The following COTL1 variants were observed in gnomAD, a reference collection of about 807,000 sequenced individuals.
The protein encoded by COTL1 is coactosin like F-actin binding protein 1.
Under a neutral mutation model 16.5 loss-of-function variants are expected in COTL1, and 15 were observed. The observed-to-expected ratio is 0.91, with a 90% CI of 0.61 to 1.40. The LOEUF (loss-of-function observed/expected upper bound fraction) is 1.40, where lower values mean the gene tolerates loss of function less well. COTL1 is among the 40% of genes most tolerant of loss of function. The probability of loss-of-function intolerance (pLI) is 0.00; values close to 1 mark genes in which losing one functional copy is unlikely to be tolerated. For missense variants in COTL1, 220 were observed against 201.5 expected (o/e 1.09, Z -0.56); for synonymous variants, 112 against 85.3 (o/e 1.31, Z -1.73).
chr16:84,576,930 A>C (rs148296375), intron 3 of COTL1: 54 of 152,402 alleles, frequency 3.5e-4, no homozygotes, highest in African/African-American at 1.3e-3. Flanking sequence ...TGTGCTGGAC[A>C]CATGAATGTG....
In COTL1 at chr16:84,617,909, G is replaced by A; in HGVS notation, c.6C>T (p.Ala2=). The part of the protein sequence containing the change: M[A]TKIDKEACRA... ...GGCAAGCCTCTTTGTCGATCTTGGT[G>A]GCCATCGCCGCGGAGCCGCAGCGGG... The change falls in exon 1 of 4, where the codon GCC becomes GCT. Residue 2 remains alanine, a synonymous_variant. Coordinates refer to ENST00000262428, the MANE Select transcript of COTL1 (RefSeq NM_021149.5). The A allele has an allele frequency of 6.4e-7, 1 of 1,555,694 alleles. No homozygotes were observed. Among genetic ancestry groups the A allele is most frequent in the Non-Finnish European group, 8.7e-7 (1 of 1,150,882 alleles).
At chr16:84,582,016 T>A (rs1904608065) in intron 3 of COTL1, among the ~76,000 whole-genome samples, 1 of 137,324 alleles carries the variant, frequency 7.3e-6, no homozygotes, top group Non-Finnish European at 1.5e-5. Flanking sequence ...GATGGAGTCT[T>A]GCTCTGTTGC....
At chr16:84,615,853 T>G (rs891632264) in intron 2 of COTL1, among the ~76,000 whole-genome samples, 1 of 149,702 alleles carries the variant, frequency 6.7e-6, no homozygotes, top group Non-Finnish European at 1.5e-5. Context: ...AATTTTAGTT[T>G]TGTGTGTGTG....
At chr16:84,604,733 G>T (rs28414050) in intron 2 of COTL1, among the ~76,000 whole-genome samples, 1,653 of 152,292 alleles carry the variant, frequency 0.011, 24 homozygotes, top group African/African-American at 0.037. Flanking sequence ...TGGCTGTAGG[G>T]GTCACACAGG....
Position 84,590,973 on chromosome 16 carries a change from T to C in COTL1, c.161-711A>G, listed in dbSNP as rs1206612620. Among the ~76,000 whole-genome samples, 2 of 152,234 alleles carry C rather than the reference T, an allele frequency of 1.3e-5. No homozygotes were observed. The highest frequency in any genetic ancestry group is 1.9e-4 in the East Asian group (1 of 5,206). ...ACAATGAATTCTGAACACATTTCCA[T>C]TGGCTGTGTTATGCTTGTTCTATCT... On this transcript the variant is annotated intron_variant, in intron 2 of 3. Transcript: ENST00000262428. This position sits in a 1 kb window ranked among gnomAD's most constrained non-coding sequence, Gnocchi z 5.5.
chr16:84,586,899 C>T (rs1904745574), intron 3 of COTL1, among the ~76,000 whole-genome samples: 1 of 152,084 alleles, frequency 6.6e-6, no homozygotes. Context: ...CTGTATTTTA[C>T]CACAGTTTTT....
chr16:84,595,602 G>C (rs533755841), intron 2 of COTL1: 1 of 152,320 alleles, frequency 6.6e-6, no homozygotes, highest in South Asian at 2.1e-4. Context: ...CCCCACATCA[G>C]CAGTGGGGAG....
intron 2 of COTL1, among the ~76,000 whole-genome samples, chr16:84,617,044 C>T (rs1905504249): frequency 6.6e-6 from 1 of 152,142 alleles, no homozygotes; most frequent in African/African-American, 2.4e-5. Context: ...AATTAAAAAT[C>T]ACATAAAATC....
At chr16:84,585,497 T>C (rs947195240) in intron 3 of COTL1, among the ~76,000 whole-genome samples, 3 of 152,214 alleles carry the variant, frequency 2.0e-5, no homozygotes, top group Admixed American at 6.5e-5. Flanking sequence ...CAAGGGTTTA[T>C]TAATACAGTA....
At chr16:84,598,515 C>G (rs1163204092) in intron 2 of COTL1, among the ~76,000 whole-genome samples, 1 of 152,136 alleles carries the variant, frequency 6.6e-6, no homozygotes, top group African/African-American at 2.4e-5. Flanking sequence ...CAGCAGCCGG[C>G]CCTGGTGGCT....
At chr16:84,576,776 A>G (rs1167962592) in intron 3 of COTL1, 1 of 152,268 alleles carries the variant, frequency 6.6e-6, no homozygotes, top group Admixed American at 6.5e-5. Context: ...TGGCATGGAA[A>G]AGTCAGCTTT....
chr16:84,616,833 C>T (rs1367177230), intron 2 of COTL1, among the ~76,000 whole-genome samples: 1 of 152,150 alleles, frequency 6.6e-6, no homozygotes, highest in Admixed American at 6.5e-5. Flanking sequence ...TGCATAACCC[C>T]CTCCCAGATC....
chr16:84,602,765 G>T (rs1905126722), intron 2 of COTL1, among the ~76,000 whole-genome samples: 1 of 151,668 alleles, frequency 6.6e-6, no homozygotes, highest in African/African-American at 2.4e-5. Context: ...TGACGTAGGA[G>T]AATTGCTTGA....
intron 1 of COTL1, 67 bp downstream of exon 1, chr16:84,617,771 G>C: frequency 6.8e-7 from 1 of 1,479,988 alleles, no homozygotes; most frequent in Non-Finnish European, 9.2e-7. Context: ...CCTGGAGGCC[G>C]GCTCGGTGCA....
intron 3 of COTL1, among the ~76,000 whole-genome samples, chr16:84,569,390 A>C (rs916826086): frequency 3.3e-5 from 5 of 152,168 alleles, no homozygotes; most frequent in Non-Finnish European, 7.3e-5. Flanking sequence ...AAAAATAAAA[A>C]ACAAAAAAGT....
At chr16:84,594,912 C>T (rs1228469297) in intron 2 of COTL1, 1 of 152,858 alleles carries the variant, frequency 6.5e-6, no homozygotes, top group African/African-American at 2.4e-5. Flanking sequence ...AGCGTCTGCC[C>T]TCTCTGCTGG....
In COTL1 at chr16:84,617,905, T is replaced by C. The variant is rs1288580194; in HGVS notation, c.10A>G (p.Lys4Glu). MATKIDKEACRAAY... is the reference protein window; with the variant it reads MATEIDKEACRAAY... ...GCCCGGCAAGCCTCTTTGTCGATCT[T>C]GGTGGCCATCGCCGCGGAGCCGCAG... Residue 4 changes from lysine (K) to glutamate (E), a missense_variant, in exon 1 of 4, where the codon AAG becomes GAG. Coordinates refer to ENST00000262428, the MANE Select transcript of COTL1 (RefSeq NM_021149.5). The C allele has an allele frequency of 4.5e-6, 7 of 1,558,502 alleles. No homozygotes were observed. The highest frequency in any genetic ancestry group is 2.7e-5 in the African/African-American group (2 of 73,548).
intron 3 of COTL1, among the ~76,000 whole-genome samples, chr16:84,572,919 A>AT (rs56198127): frequency 0.32 from 45,913 of 145,698 alleles, 7,430 homozygotes; most frequent in East Asian, 0.41. Flanking sequence ...TGCCCGACTA[A>AT]TTTTTTTTTT....
intron 3 of COTL1, among the ~76,000 whole-genome samples, chr16:84,583,160 G>A (rs1282047415): frequency 6.6e-6 from 1 of 152,162 alleles, no homozygotes; most frequent in Non-Finnish European, 1.5e-5. Context: ...TGGATTCCAG[G>A]CATAGCTTTG....
Sources: allele counts gnomAD v4.1 joint callset (sites outside exome capture counted in the v4.1 genomes callset), GRCh38; gene constraint gnomAD v4.1.1; non-coding constraint Gnocchi (gnomAD v3.1); transcripts MANE v1.5; gene names NCBI Gene and HGNC (gene_info 2026-07-23, HGNC 2026-07-21).